Variants in PRKN observed in about 807,000 individuals in gnomAD.
PRKN encodes the protein E3 ubiquitin-protein ligase parkin.
Under a neutral mutation model 59.5 loss-of-function variants are expected in PRKN, and 56 were observed. The observed-to-expected ratio is 0.94, with a 90% CI of 0.76 to 1.18. PRKN has a LOEUF of 1.18. PRKN is among the 50% of genes most tolerant of loss of function. The probability of loss-of-function intolerance (pLI) is 0.00; values close to 1 mark genes in which losing one functional copy is unlikely to be tolerated. For missense variants in PRKN, 657 were observed against 596.4 expected, an observed-to-expected ratio of 1.10 and a Z score of -1.06; for synonymous variants, 250 against 222.1, an observed-to-expected ratio of 1.13 and a Z score of -1.12.
chr6:161,522,597 C>T (rs1778870094), intron 9 of PRKN, among the ~76,000 whole-genome samples: 1 of 152,244 alleles, frequency 6.6e-6, no homozygotes. Context: ...GAATGCCCTA[C>T]AGGGCACTGC....
At position 161,683,018 on chromosome 6, in the gene PRKN, C is replaced by A. The variant is rs544911630; in HGVS notation, c.871+102754G>T. Reference sequence around the variant, plus strand: ...GGTGGTGAGGGCTCCTCACATTTTTCTTTTATCCTAAAAGCAACAAGGAGC... The same window carrying A: ...GGTGGTGAGGGCTCCTCACATTTTTATTTTATCCTAAAAGCAACAAGGAGC... On this transcript the variant is annotated intron_variant, in intron 7 of 11. Coordinates refer to ENST00000366898, the MANE Select transcript of PRKN (RefSeq NM_004562.3). Among the ~76,000 whole-genome samples the A allele has an allele frequency of 3.3e-5, 5 of 152,284 alleles. No individual in the cohort carries two copies. In the East Asian group the frequency reaches 9.7e-4, roughly 30 times the overall value.
intron 1 of PRKN, among the ~76,000 whole-genome samples, chr6:162,629,858 C>A (rs1026460104): frequency 5.3e-5 from 8 of 152,098 alleles, no homozygotes; most frequent in Non-Finnish European, 8.8e-5. Flanking sequence ...GACTGAATAG[C>A]ATGTCAGAGA....
At chr6:161,632,969 G>A (rs1333184516) in intron 7 of PRKN, among the ~76,000 whole-genome samples, 4 of 152,198 alleles carry the variant, frequency 2.6e-5, no homozygotes, top group Admixed American at 2.6e-4. Context: ...TGGGGACACA[G>A]TCAAACCATA....
At chr6:162,048,701 C>T (rs1263835524) in intron 5 of PRKN, among the ~76,000 whole-genome samples, 1 of 141,618 alleles carries the variant, frequency 7.1e-6, no homozygotes, top group African/African-American at 2.7e-5. Context: ...AATACACTAG[C>T]ACCAAAAATA....
intron 1 of PRKN, among the ~76,000 whole-genome samples, chr6:162,532,131 T>C (rs954972579): frequency 1.3e-5 from 2 of 152,184 alleles, no homozygotes; most frequent in African/African-American, 4.8e-5. Context: ...TTCCCCTGAA[T>C]TGTGTTTTTA....
rs1294828936 is a variant in PRKN at position 161,378,275 on chromosome 6, T to C, written c.1167+8519A>G. On this transcript the variant is annotated intron_variant, in intron 10 of 11. Transcript: ENST00000366898. This position sits in a 1 kb window ranked among gnomAD's most constrained non-coding sequence, Gnocchi z 7.3. ...GTGGACCACTGCCAGCCTCCGCCAC[T>C]GGCCACAGCAGTCCTGGGCCAGGGC... Among the ~76,000 whole-genome samples, 1 of 152,108 alleles carries C rather than the reference T, an allele frequency of 6.6e-6. No homozygotes were observed. Among genetic ancestry groups the C allele is most frequent in the Non-Finnish European group, 1.5e-5 (1 of 68,016 alleles).
In PRKN at chr6:161,552,787, G is replaced by GTTGTTTTTTTTTTT. The variant is rs1554275446; in HGVS notation, c.934-3785_934-3784insAAAAAAAAAAACAA. 3.5e-5 allele frequency among the ~76,000 whole-genome samples: 3 copies of GTTGTTTTTTTTTTT among 86,504 alleles called. 1 individual carries two copies. Among genetic ancestry groups the GTTGTTTTTTTTTTT allele is most frequent in the Non-Finnish European group, 5.3e-5 (2 of 37,616 alleles). The allele number at this position is 86,504 out of a possible 152,430, so 56.7% of individuals were successfully genotyped here. ...TAAAAGACACCATGGTTTTGTTGTTGTTTTTGTTTTTTGTTTTTTTTTTTT... is the reference window on the plus strand; with the variant it reads ...TAAAAGACACCATGGTTTTGTTGTTGTTGTTTTTTTTTTTTTTTTGTTTTTTGTTTTTTTTTTTT... On this transcript the variant is annotated intron_variant, in intron 8 of 11. Transcript: ENST00000366898. The surrounding 1 kb of genome is among the most constrained non-coding windows in gnomAD (Gnocchi z 4.9).
chr6:161,934,484 A>G (rs1779282974), intron 6 of PRKN, among the ~76,000 whole-genome samples: 1 of 152,176 alleles, frequency 6.6e-6, no homozygotes, highest in African/African-American at 2.4e-5. Flanking sequence ...TTAGGCCTTG[A>G]CCCACAATAT....
chr6:162,474,936 T>A (rs181922296), intron 1 of PRKN, among the ~76,000 whole-genome samples: 20 of 152,332 alleles, frequency 1.3e-4, no homozygotes, highest in Middle Eastern at 3.4e-3. Flanking sequence ...CTGTCATTAT[T>A]TCTACAAATG....
Position 161,391,073 on chromosome 6 carries a change from T to C in PRKN, c.1084-4196A>G, listed in dbSNP as rs1786483783. On this transcript the variant is annotated intron_variant, in intron 9 of 11. Transcript: ENST00000366898. This position sits in a 1 kb window ranked among gnomAD's most constrained non-coding sequence, Gnocchi z 4.9. ...AGTGTTCGGGCCAGTTTGCAAACAC[T>C]TCCCATGGCATAGCTGTTTCTAGAG... is the stretch of plus-strand genomic sequence containing the variant. 6.6e-6 allele frequency among the ~76,000 whole-genome samples: 1 copy of C among 152,082 alleles called. No homozygotes were observed. Among genetic ancestry groups the C allele is most frequent in the Non-Finnish European group, 1.5e-5 (1 of 68,022 alleles).
At chr6:161,857,056 C>G (rs1583254826) in intron 6 of PRKN, among the ~76,000 whole-genome samples, 1 of 151,810 alleles carries the variant, frequency 6.6e-6, no homozygotes, top group African/African-American at 2.4e-5. Context: ...GTGGTAAAAC[C>G]CCATCTCTAC....
At chr6:161,799,143 C>G (rs1178917935) in intron 6 of PRKN, among the ~76,000 whole-genome samples, 1 of 152,182 alleles carries the variant, frequency 6.6e-6, no homozygotes, top group Non-Finnish European at 1.5e-5. Flanking sequence ...AGATGGGCCA[C>G]CAAGCCTAAG....
At chr6:162,219,391 C>T (rs1401679264) in intron 3 of PRKN, among the ~76,000 whole-genome samples, 4 of 152,142 alleles carry the variant, frequency 2.6e-5, no homozygotes, top group Non-Finnish European at 5.9e-5. Flanking sequence ...CTTCCGCTTC[C>T]TCTACTGTTC....
At chr6:162,201,885 C>T (rs956096647) in intron 3 of PRKN, among the ~76,000 whole-genome samples, 3 of 152,142 alleles carry the variant, frequency 2.0e-5, no homozygotes, top group Non-Finnish European at 4.4e-5. Flanking sequence ...TCAAATAATA[C>T]ATTTTCAAGA....
intron 5 of PRKN, among the ~76,000 whole-genome samples, chr6:161,997,749 C>CA (rs1460119587): frequency 1.3e-5 from 2 of 152,110 alleles, no homozygotes; most frequent in African/African-American, 4.8e-5. Flanking sequence ...ATTCCCAAAC[C>CA]AAAATACATG....
At chr6:161,416,869 T>C (rs1362475620) in intron 9 of PRKN, among the ~76,000 whole-genome samples, 1 of 152,030 alleles carries the variant, frequency 6.6e-6, no homozygotes, top group African/African-American at 2.4e-5. Context: ...CATCTAGACG[T>C]CCAGCAGATG....
chr6:161,793,007 G>GT lies in PRKN; in HGVS notation c.735-7100dup, dbSNP rs550555393. ...GCCAAAGTGCACGACTGACAAAGAA[G>GT]TAACCGGCACAGCGCCTGCCCACAA... On this transcript the variant is annotated intron_variant, in intron 6 of 11. Transcript: ENST00000366898. Among the ~76,000 whole-genome samples, 325 of 152,282 alleles carry GT rather than the reference G, an allele frequency of 2.1e-3. 1 individual carries two copies. The highest frequency in any genetic ancestry group is 3.9e-3 in the Non-Finnish European group (266 of 68,032).
chr6:162,137,971 T>C (rs1781618905), intron 4 of PRKN, among the ~76,000 whole-genome samples: 1 of 151,924 alleles, frequency 6.6e-6, no homozygotes, highest in South Asian at 2.1e-4. Flanking sequence ...GAAGGAAACC[T>C]ACAAAGATTT....
intron 6 of PRKN, 27 bp downstream of exon 6, chr6:161,973,275 G>A: frequency 7.1e-7 from 1 of 1,405,988 alleles, no homozygotes; most frequent in Non-Finnish European, 1.0e-6. Context: ...TCCGTGGAGG[G>A]AAGTGACACT....
Sources: allele counts gnomAD v4.1 joint callset (sites outside exome capture counted in the v4.1 genomes callset), GRCh38; gene constraint gnomAD v4.1.1; non-coding constraint Gnocchi (gnomAD v3.1); transcripts MANE v1.5; gene names NCBI Gene and HGNC (gene_info 2026-07-23, HGNC 2026-07-21).